EED: variants seen among roughly 807,000 people sequenced by gnomAD.
EED encodes polycomb protein EED.
Under a neutral mutation model 61.0 loss-of-function variants are expected in EED, and 9 were observed. The observed-to-expected ratio is 0.15, with a 90% CI of 0.09 to 0.26. EED has a LOEUF of 0.26. Among genes scored for constraint, EED ranks in the 10% least tolerant of loss-of-function variants. EED has a pLI of 1.00. For missense variants in EED, 315 were observed against 542.3 expected (o/e 0.58, Z 4.16); for synonymous variants, 187 against 174.4 (o/e 1.07, Z -0.57).
At chr11:86,286,928 C>T in the EED span, among the ~76,000 whole-genome samples, 1 of 141,808 alleles carries the variant, frequency 7.1e-6, no homozygotes, top group Non-Finnish European at 1.5e-5. Context: ...GCCAAGATAG[C>T]GCCACTGCAC....
intron 7 of EED, 70 bp downstream of exon 7, chr11:86,264,333 T>A: frequency 9.0e-7 from 1 of 1,112,718 alleles, no homozygotes; most frequent in Non-Finnish European, 1.3e-6. Context: ...TGGAACTGTT[T>A]CCTTATAAGA....
chr11:86,262,120 G>T (rs1478649999), intron 6 of EED, among the ~76,000 whole-genome samples: 1 of 152,118 alleles, frequency 6.6e-6, no homozygotes, highest in Non-Finnish European at 1.5e-5. Flanking sequence ...GGGCTCAAAT[G>T]ATCCTTCCAC....
chr11:86,250,522 A>T, intron 2 of EED, 74 bp downstream of exon 2: 1 of 1,380,878 alleles, frequency 7.2e-7, no homozygotes, highest in Non-Finnish European at 9.5e-7. Flanking sequence ...CGCATTTCGT[A>T]CTCAGGATAC....
chr11:86,252,416 A>G (rs1165893599), intron 3 of EED, among the ~76,000 whole-genome samples, 176 bp downstream of exon 3: 9 of 152,266 alleles, frequency 5.9e-5, no homozygotes, highest in African/African-American at 1.9e-4. Context: ...CATGGCTGAA[A>G]ATACATCTAT....
chr11:86,246,742 C>G (rs1010357811), intron 1 of EED, among the ~76,000 whole-genome samples: 3 of 152,122 alleles, frequency 2.0e-5, no homozygotes, highest in African/African-American at 7.2e-5. Context: ...TTAAATTTCT[C>G]TAGGCAGATT....
intron 9 of EED, among the ~76,000 whole-genome samples, chr11:86,270,542 T>C (rs1030696049): frequency 6.6e-6 from 1 of 152,210 alleles, no homozygotes; most frequent in Non-Finnish European, 1.5e-5. Flanking sequence ...ATTGATTTTT[T>C]AAAATTATTT....
At chr11:86,251,158 T>A (rs1350763617) in intron 2 of EED, among the ~76,000 whole-genome samples, 2 of 152,176 alleles carry the variant, frequency 1.3e-5, no homozygotes, top group Non-Finnish European at 2.9e-5. Context: ...TCCAAATATA[T>A]TTTTTATAAG....
At chr11:86,286,971 CAAAAA>C in the EED span, among the ~76,000 whole-genome samples, 2 of 68,328 alleles carry the variant, frequency 2.9e-5, no homozygotes, top group African/African-American at 4.8e-5. Context: ...GACTCCGTCT[CAAAAA>C]AAAAAAAAAA....
chr11:86,255,111 A>C, intron 3 of EED, 111 bp from the exon 4 acceptor site: 1 of 761,980 alleles, frequency 1.3e-6, no homozygotes, highest in Non-Finnish European at 2.1e-6. Context: ...TTAAGGCAGT[A>C]GTTTCTGTAG....
At chr11:86,270,255 A>G (rs1946082640) in intron 9 of EED, 2 of 534,564 alleles carry the variant, frequency 3.7e-6, no homozygotes, top group Non-Finnish European at 6.8e-6. Context: ...AGTGATGTTG[A>G]ACATCTTTTT....
intron 6 of EED, among the ~76,000 whole-genome samples, chr11:86,262,336 G>A (rs958656457): frequency 6.6e-6 from 1 of 152,348 alleles, no homozygotes; most frequent in African/African-American, 2.4e-5. Context: ...TTGATGCTCA[G>A]ATATTTCTTC....
the EED span, chr11:86,284,220 C>T: frequency 3.9e-5 from 6 of 152,240 alleles, no homozygotes; most frequent in Non-Finnish European, 7.3e-5. Context: ...CCTTCCACAC[C>T]AATGTGAAGG....
rs556841822 is a variant in EED at position 86,261,362 on chromosome 11, G to T, written c.635-2810G>T. The stretch of plus-strand genomic sequence containing the variant: ...CCTTGGCTCCATGTTTTGCCTTCTG[G>T]GCATGCTGGGTGTGGAGTTTGGGCC... On this transcript the variant is annotated intron_variant, in intron 6 of 11. Transcript: ENST00000263360. Among the ~76,000 whole-genome samples, 56 of 152,254 alleles carry T rather than the reference G, an allele frequency of 3.7e-4. 2 individuals are homozygous for T. Among genetic ancestry groups the T allele is most frequent in the Admixed American group, 3.6e-3 (55 of 15,292 alleles).
intron 1 of EED, among the ~76,000 whole-genome samples, chr11:86,246,600 T>C (rs2138119404): frequency 6.6e-6 from 1 of 152,376 alleles, no homozygotes; most frequent in East Asian, 1.9e-4. Context: ...TCAGAAAAGC[T>C]TGGGTGTTAA....
rs201298345 is a variant in EED at position 86,254,048 on chromosome 11, CAAAAAAAAAAAAA to C, written c.361-1159_361-1147del. ...GGACGACAAGAGTGAAACTCTGTCTCAAAAAAAAAAAAAAAAAAAAAAAAAAAGAAAATGGAAA... is the reference window on the plus strand; with the variant it reads ...GGACGACAAGAGTGAAACTCTGTCTCAAAAAAAAAAAAAAGAAAATGGAAA... On this transcript the variant is annotated intron_variant, in intron 3 of 11. Coordinates refer to ENST00000263360, the MANE Select transcript of EED (RefSeq NM_003797.5). 1.2e-4 allele frequency among the ~76,000 whole-genome samples: 7 copies of C among 56,336 alleles called. No individual in the cohort carries two copies. In the East Asian group the frequency reaches 3.5e-3, roughly 28 times the overall value. The allele number at this position is 56,336 out of a possible 152,430, so 37.0% of individuals were successfully genotyped here.
chr11:86,253,387 A>C (rs1266289216), intron 3 of EED, among the ~76,000 whole-genome samples: 3 of 152,214 alleles, frequency 2.0e-5, no homozygotes, highest in East Asian at 3.8e-4. Context: ...AACCTAAGTT[A>C]ATATTTAGCT....
At chr11:86,267,517 C>A (rs1374419049) in intron 8 of EED, among the ~76,000 whole-genome samples, 2 of 152,136 alleles carry the variant, frequency 1.3e-5, no homozygotes, top group South Asian at 4.1e-4. Context: ...TTTCTTCTCA[C>A]AAATATCTCT....
chr11:86,258,847 C>T lies in EED; in HGVS notation c.634+1251C>T, dbSNP rs531584827. On this transcript the variant is annotated intron_variant, in intron 6 of 11. Coordinates refer to ENST00000263360, the MANE Select transcript of EED (RefSeq NM_003797.5). ...CTGAGATTACAGGTGTGAGCCACTG[C>T]GTCCTGCCTCTATTTATTTATTTAT... is the stretch of plus-strand genomic sequence containing the variant. Among the ~76,000 whole-genome samples the T allele has an allele frequency of 3.5e-3, 535 of 151,742 alleles. 9 individuals are homozygous for T. The highest frequency in any genetic ancestry group is 0.012 in the African/African-American group (508 of 41,388).
intron 9 of EED, among the ~76,000 whole-genome samples, chr11:86,273,685 TCA>T (rs1336460335): frequency 1.3e-5 from 2 of 152,252 alleles, no homozygotes; most frequent in Non-Finnish European, 2.9e-5. Context: ...GATTCTGGAT[TCA>T]CAGTTATTTT....
Sources: gnomAD v4.1 joint callset for allele counts (sites outside exome capture counted in the v4.1 genomes callset) on GRCh38, gnomAD v4.1.1 for gene constraint, MANE v1.5 for transcripts, NCBI Gene and HGNC (gene_info 2026-07-23, HGNC 2026-07-21) for gene names.